The following SLCO1B3 variants were observed in gnomAD, a reference collection of about 807,000 sequenced individuals.
The protein encoded by SLCO1B3 is liver-specific organic anion transporter 2.
A neutral mutation model predicts 71.8 loss-of-function variants in SLCO1B3; 72 were observed. That is an observed-to-expected ratio of 1.00 (90% CI 0.83 to 1.22). The LOEUF (loss-of-function observed/expected upper bound fraction) is 1.22. SLCO1B3 is among the 50% of genes most tolerant of loss of function. SLCO1B3 has a pLI of 0.00. For synonymous variants in SLCO1B3, 298 were observed against 278.4 expected (o/e 1.07, Z -0.70); for missense variants, 911 against 819.7 (o/e 1.11, Z -1.36).
chr12:20,865,365 A>G (rs193223082), intron 8 of SLCO1B3, among the ~76,000 whole-genome samples: 1 of 152,244 alleles, frequency 6.6e-6, no homozygotes, highest in Non-Finnish European at 1.5e-5. Flanking sequence ...TTTTAAATCA[A>G]TTCAATATTT....
At chr12:20,837,312 C>G (rs1864705080) in intron 3 of SLCO1B3, among the ~76,000 whole-genome samples, 1 of 151,726 alleles carries the variant, frequency 6.6e-6, no homozygotes, top group South Asian at 2.1e-4. Context: ...TTTTTAATGT[C>G]ATTGACTTAT....
chr12:20,916,512 A>G lies in SLCO1B3; in HGVS notation c.*265A>G, dbSNP rs1373009360. ...TTGTTTGGTAGTTGTAACTGCTAAT[A>G]AAACCAGTGACTAGAATATAAGGGA... On this transcript the variant is annotated 3_prime_UTR_variant, in exon 16 of 16. Transcript: ENST00000381545. 5 of 257,212 alleles carry G rather than the reference A, an allele frequency of 1.9e-5. No homozygotes were observed. Among genetic ancestry groups the G allele is most frequent in the Non-Finnish European group, 3.7e-5 (5 of 133,392 alleles). The allele number at this position is 257,212 out of a possible 1,614,324, so 15.9% of individuals were successfully genotyped here.
chr12:20,818,760 A>C (rs1864236911), intron 3 of SLCO1B3, among the ~76,000 whole-genome samples: 1 of 149,394 alleles, frequency 6.7e-6, no homozygotes, highest in Non-Finnish European at 1.5e-5. Context: ...TGGAACTGCC[A>C]TCAATAAATC....
chr12:20,897,377 G>C (rs1447544435), intron 13 of SLCO1B3, among the ~76,000 whole-genome samples: 1 of 152,208 alleles, frequency 6.6e-6, no homozygotes, highest in Non-Finnish European at 1.5e-5. Flanking sequence ...AGGCAAATAT[G>C]TGTACATGAA....
At chr12:20,905,625 C>T (rs563545374) in intron 15 of SLCO1B3, among the ~76,000 whole-genome samples, 1 of 152,268 alleles carries the variant, frequency 6.6e-6, no homozygotes, top group Admixed American at 6.5e-5. Flanking sequence ...CAAAATGCCA[C>T]CAGTCTCTAA....
intron 13 of SLCO1B3, among the ~76,000 whole-genome samples, chr12:20,887,409 A>T (rs1009565744): frequency 6.6e-6 from 1 of 151,986 alleles, no homozygotes; most frequent in African/African-American, 2.4e-5. Flanking sequence ...AATAATAGCT[A>T]TCTTGATGAG....
At chr12:20,893,464 C>A (rs996367665) in intron 13 of SLCO1B3, among the ~76,000 whole-genome samples, 1 of 151,936 alleles carries the variant, frequency 6.6e-6, no homozygotes, top group Non-Finnish European at 1.5e-5. Flanking sequence ...CTTCTTGGGA[C>A]CTAGAGGTCT....
Position 20,879,602 on chromosome 12 carries a change from A to G in SLCO1B3, c.1302A>G (p.Ser434=), listed in dbSNP as rs2121304161. 5 of 1,611,704 alleles carry G rather than the reference A, an allele frequency of 3.1e-6. No individual in the cohort carries two copies. In the East Asian group the frequency reaches 8.9e-5, roughly 29 times the overall value. Residue 434 remains serine, a synonymous_variant, in exon 11 of 16, where the codon TCA becomes TCG. Transcript: ENST00000381545. The part of the protein sequence containing the change: ...LYFPLICESK[S]VAGLTLTYDG... ...TCCCTCTAATCTGCGAAAGCAAATC[A>G]GTTGCCGGCCTAACCTTGACCTATG...
chr12:20,837,400 G>GA (rs1461805633), intron 3 of SLCO1B3, among the ~76,000 whole-genome samples: 1 of 151,924 alleles, frequency 6.6e-6, no homozygotes, highest in Non-Finnish European at 1.5e-5. Flanking sequence ...TCCTAAGGTA[G>GA]AAACTTAAAT....
At chr12:20,847,617 G>T (rs4469945) in intron 3 of SLCO1B3, among the ~76,000 whole-genome samples, 1 of 151,598 alleles carries the variant, frequency 6.6e-6, no homozygotes, top group African/African-American at 2.4e-5. Context: ...CCAAAGTTCA[G>T]TGGCAACCTT....
intron 3 of SLCO1B3, among the ~76,000 whole-genome samples, chr12:20,818,779 T>A (rs1261184875): frequency 6.6e-6 from 1 of 152,128 alleles, no homozygotes; most frequent in Non-Finnish European, 1.5e-5. Flanking sequence ...TCAAGCGTGA[T>A]CAGGGTGAGA....
intron 8 of SLCO1B3, among the ~76,000 whole-genome samples, chr12:20,868,145 T>C (rs932073363): frequency 6.6e-6 from 1 of 152,218 alleles, no homozygotes; most frequent in Non-Finnish European, 1.5e-5. Context: ...TGACTGTTTA[T>C]GCTATTGGTA....
intron 3 of SLCO1B3, among the ~76,000 whole-genome samples, chr12:20,822,222 C>T (rs1864327130): frequency 6.6e-6 from 1 of 152,130 alleles, no homozygotes; most frequent in South Asian, 2.1e-4. Flanking sequence ...ACCAAACAGG[C>T]TTTGTGTGAG....
chr12:20,858,974 A>G (rs1210401364), intron 5 of SLCO1B3: 1 of 154,028 alleles, frequency 6.5e-6, no homozygotes, highest in Non-Finnish European at 1.4e-5. Flanking sequence ...GCTCTTTCTA[A>G]GGTAACTGTG....
chr12:20,828,646 TACAC>T (rs142800781), intron 3 of SLCO1B3, among the ~76,000 whole-genome samples: 9 of 149,672 alleles, frequency 6.0e-5, no homozygotes, highest in Non-Finnish European at 7.4e-5. Flanking sequence ...CACACACACA[TACAC>T]ACACACACAC....
At chr12:20,898,020 C>A (rs764026796) in intron 13 of SLCO1B3, among the ~76,000 whole-genome samples, 1 of 152,030 alleles carries the variant, frequency 6.6e-6, no homozygotes, top group Non-Finnish European at 1.5e-5. Context: ...ACATTGATGA[C>A]AGAAATAAGG....
intron 3 of SLCO1B3, among the ~76,000 whole-genome samples, chr12:20,854,514 A>G (rs1352818777): frequency 3.3e-5 from 5 of 152,156 alleles, no homozygotes; most frequent in African/African-American, 1.2e-4. Context: ...TTATGGACAT[A>G]CCTGCTCTCT....
rs889034751 is a variant in SLCO1B3, at chr12:20,858,717, A to G, written c.359+146A>G. The G allele has an allele frequency of 2.9e-5, 19 of 646,502 alleles. No individual in the cohort carries two copies. The South Asian group carries it at 3.4e-4, about 12-fold the overall frequency. 40.0% of individuals were successfully genotyped at this position (646,502 alleles called of 1,614,324 possible). A position where few individuals can be genotyped will look rare whatever the true frequency, so the allele number is the denominator to read the frequency against. On this transcript the variant is annotated intron_variant, in intron 5 of 15. Coordinates refer to ENST00000381545, the MANE Select transcript of SLCO1B3 (RefSeq NM_019844.4). ...TAGAGAAATGGAGTATATTTCCTAT[A>G]TAATAGTTCATGTATTGCTTTATTC...
At chr12:20,814,981 CTTTT>C (rs71039997) in intron 2 of SLCO1B3, among the ~76,000 whole-genome samples, 1 of 89,294 alleles carries the variant, frequency 1.1e-5, no homozygotes, top group Non-Finnish European at 2.3e-5. Flanking sequence ...CTTTTCTTTT[CTTTT>C]TTTTTTTTTT....
Sources: gnomAD v4.1 joint callset for allele counts (sites outside exome capture counted in the v4.1 genomes callset) on GRCh38, gnomAD v4.1.1 for gene constraint, MANE v1.5 for transcripts, NCBI Gene and HGNC (gene_info 2026-07-23, HGNC 2026-07-21) for gene names.